WDR25: variants seen among roughly 807,000 people sequenced by gnomAD.
The protein encoded by WDR25 is WD repeat-containing protein 25.
Under a neutral mutation model 47.7 loss-of-function variants are expected in WDR25, and 35 were observed. The ratio of observed to expected loss-of-function variants is 0.73; its 90% confidence interval spans 0.56 to 0.97. WDR25 has a LOEUF of 0.97. Ranked by LOEUF, WDR25 falls within the 50% of genes least tolerant of loss-of-function variation. WDR25 has a pLI of 0.00. For synonymous variants in WDR25, 248 were observed against 278.9 expected (o/e 0.89, Z 1.10); for missense variants, 634 against 704.7 (o/e 0.90, Z 1.14).
chr14:100,461,202 C>T lies in WDR25; in HGVS notation c.823-6819C>T, dbSNP rs183183363. Among the ~76,000 whole-genome samples, 208 of 152,136 alleles carry T rather than the reference C, an allele frequency of 1.4e-3. No individual in the cohort carries two copies. The Middle Eastern group carries it at 0.02, about 15-fold the overall frequency. On this transcript the variant is annotated intron_variant, in intron 2 of 6. Transcript: ENST00000402312. ...CTTCACTCCAGCCTGGGTAACAGAG[C>T]GAGACCCTGACTTGGAAAGAAAAGA...
At chr14:100,422,783 GT>G (rs1898064296) in intron 2 of WDR25, among the ~76,000 whole-genome samples, 1 of 152,170 alleles carries the variant, frequency 6.6e-6, no homozygotes, top group Admixed American at 6.5e-5. Context: ...GGATCTTATT[GT>G]TTTAATTTGC....
intron 3 of WDR25, among the ~76,000 whole-genome samples, chr14:100,473,869 C>T (rs982366223): frequency 4.6e-5 from 7 of 152,168 alleles, no homozygotes; most frequent in Admixed American, 1.3e-4. Context: ...GTTTCGCTAG[C>T]GTAGCTTAGG....
intron 4 of WDR25, 126 bp downstream of exon 4, chr14:100,484,250 A>G: frequency 1.8e-6 from 2 of 1,109,832 alleles, no homozygotes; most frequent in Non-Finnish European, 2.5e-6. Context: ...CTTAATATTT[A>G]ATCAGTGCTA....
Position 100,407,531 on chromosome 14 carries a change from C to CT in WDR25, c.822+25788dup, listed in dbSNP as rs1358509745. On this transcript the variant is annotated intron_variant, in intron 2 of 6. Transcript: ENST00000402312. The surrounding 1 kb of genome is among the most constrained non-coding windows in gnomAD (Gnocchi z 4.1). ...GGATGGTTTTAGGCCCTTCTGCCCCCTTTGTCAGTGTGCCCTTGTGGGAAG... is the reference window on the plus strand; with the variant it reads ...GGATGGTTTTAGGCCCTTCTGCCCCCTTTTGTCAGTGTGCCCTTGTGGGAAG... 3 of 152,382 alleles carry CT rather than the reference C, an allele frequency of 2.0e-5. No homozygotes were observed. The highest frequency in any genetic ancestry group is 7.2e-5 in the African/African-American group (3 of 41,442). 9.4% of individuals were successfully genotyped at this position (152,382 alleles called of 1,614,324 possible).
chr14:100,405,244 C>G (rs1297690520), intron 2 of WDR25, among the ~76,000 whole-genome samples: 1 of 151,606 alleles, frequency 6.6e-6, no homozygotes, highest in Non-Finnish European at 1.5e-5. Flanking sequence ...TCACCGCAGC[C>G]TCTGCCTCCC....
At position 100,530,020 on chromosome 14, in the gene WDR25, G is replaced by A. The variant is rs749447544; in HGVS notation, c.1614G>A (p.Gly538=). 9.9e-6 allele frequency: 16 copies of A among 1,612,376 alleles called. No individual in the cohort carries two copies. Among genetic ancestry groups the A allele is most frequent in the Admixed American group, 1.7e-5 (1 of 59,936 alleles). The change falls in exon 7 of 7, where the codon GGG becomes GGA. Residue 538 remains glycine (G), a synonymous_variant. Coordinates refer to ENST00000402312, the MANE Select transcript of WDR25 (RefSeq NM_001161476.3). ...TCCTCGCCACCTGCTCCTGGGGAGG[G>A]GACATGAAGATCTGGCACTGAGCTT... The part of the protein sequence containing the change: ...PSVLATCSWG[G]DMKIWH
chr14:100,409,855 C>T (rs980628706), intron 2 of WDR25, among the ~76,000 whole-genome samples: 2 of 152,204 alleles, frequency 1.3e-5, no homozygotes, highest in African/African-American at 4.8e-5. Flanking sequence ...CGTGTATTGT[C>T]TGTGAAGATG....
intron 2 of WDR25, among the ~76,000 whole-genome samples, chr14:100,444,394 A>G (rs373297596): frequency 6.6e-6 from 1 of 152,236 alleles, no homozygotes; most frequent in Non-Finnish European, 1.5e-5. Context: ...AGGGAACCGC[A>G]GGATGGACAT....
chr14:100,428,130 A>C lies in WDR25; in HGVS notation c.823-39891A>C, dbSNP rs1266070853. On this transcript the variant is annotated intron_variant, in intron 2 of 6. Transcript: ENST00000402312. The surrounding 1 kb of genome is among the most constrained non-coding windows in gnomAD (Gnocchi z 4.3). Reference sequence around the variant, plus strand: ...CCCCCTGGAGCATTCACGCAAGGTCACTTTTCCCATCTGAGGAAACGTTTG... The same window carrying C: ...CCCCCTGGAGCATTCACGCAAGGTCCCTTTTCCCATCTGAGGAAACGTTTG... Among the ~76,000 whole-genome samples, 4 of 152,208 alleles carry C rather than the reference A, an allele frequency of 2.6e-5. No individual in the cohort carries two copies. The highest frequency in any genetic ancestry group is 5.9e-5 in the Non-Finnish European group (4 of 68,026).
intron 3 of WDR25, among the ~76,000 whole-genome samples, chr14:100,475,900 A>AT (rs1900000453): frequency 2.0e-5 from 3 of 151,766 alleles, no homozygotes; most frequent in African/African-American, 7.3e-5. Flanking sequence ...ATATATATAT[A>AT]AAATTATTTA....
At chr14:100,454,846 G>A (rs2140273278) in intron 2 of WDR25, 1 of 173,596 alleles carries the variant, frequency 5.8e-6, no homozygotes, top group East Asian at 1.5e-4. Flanking sequence ...AAAGAGAACT[G>A]AATAGAAATT....
At chr14:100,385,006 G>T (rs1397202981) in intron 2 of WDR25, among the ~76,000 whole-genome samples, 1 of 152,208 alleles carries the variant, frequency 6.6e-6, no homozygotes, top group Admixed American at 6.5e-5. Context: ...GATATTAGTT[G>T]TGAATCACCA....
In WDR25 at chr14:100,500,006, T is replaced by C. The variant is rs115954091; in HGVS notation, c.1101+15882T>C. ...CCTGAGATGGGGGATGGTACAAGCA[T>C]TGGGAAATGGTCTTGCAGCCTGCCT... is the stretch of plus-strand genomic sequence containing the variant. On this transcript the variant is annotated intron_variant, in intron 4 of 6. Transcript: ENST00000402312. The surrounding 1 kb of genome is among the most constrained non-coding windows in gnomAD (Gnocchi z 4.7). 9.6e-3 allele frequency among the ~76,000 whole-genome samples: 1,461 copies of C among 152,106 alleles called. 19 individuals are homozygous for C. Among genetic ancestry groups the C allele is most frequent in the African/African-American group, 0.033 (1,371 of 41,520 alleles).
At chr14:100,515,710 C>G (rs1379964627) in intron 4 of WDR25, among the ~76,000 whole-genome samples, 2 of 151,764 alleles carry the variant, frequency 1.3e-5, no homozygotes, top group Non-Finnish European at 2.9e-5. Context: ...CTCACTGCAA[C>G]CTCTGCCTCC....
rs909325257 is a variant in WDR25 at position 100,483,932 on chromosome 14, T to G, written c.971-62T>G. The G allele has an allele frequency of 1.5e-5, 23 of 1,542,198 alleles. 1 individual carries two copies. In the Admixed American group the frequency reaches 4.6e-4, roughly 31 times the overall value. ...CCCCATACCAGATGGCATCTTAGTT[T>G]TAAGATATTTGTTTTGTGACCTAAG... is the stretch of plus-strand genomic sequence containing the variant. On this transcript the variant is annotated intron_variant, in intron 3 of 6. Coordinates refer to ENST00000402312, the MANE Select transcript of WDR25 (RefSeq NM_001161476.3).
chr14:100,515,544 ATTATCC>A (rs1351961058), intron 4 of WDR25, among the ~76,000 whole-genome samples: 8 of 152,110 alleles, frequency 5.3e-5, no homozygotes, highest in African/African-American at 9.7e-5. Flanking sequence ...TTTCATGTGT[ATTATCC>A]TTAACATTCT....
At chr14:100,403,557 G>A (rs1897444410) in intron 2 of WDR25, among the ~76,000 whole-genome samples, 1 of 152,250 alleles carries the variant, frequency 6.6e-6, no homozygotes, top group African/African-American at 2.4e-5. Flanking sequence ...GGGCTGTTGT[G>A]TATGGTCAGG....
intron 2 of WDR25, among the ~76,000 whole-genome samples, chr14:100,408,722 A>G (rs1897618982): frequency 6.6e-6 from 1 of 152,236 alleles, no homozygotes; most frequent in Non-Finnish European, 1.5e-5. Context: ...ATTTGCAGTT[A>G]ATGATAGTAT....
At chr14:100,520,269 T>C (rs1006736464) in intron 4 of WDR25, among the ~76,000 whole-genome samples, 1 of 151,978 alleles carries the variant, frequency 6.6e-6, no homozygotes, top group African/African-American at 2.4e-5. Flanking sequence ...TTATACTGAT[T>C]TTTCCAATTC....
Sources: gnomAD v4.1 joint callset for allele counts (sites outside exome capture counted in the v4.1 genomes callset) on GRCh38, gnomAD v4.1.1 for gene constraint, Gnocchi (gnomAD v3.1) non-coding constraint, MANE v1.5 for transcripts, NCBI Gene and HGNC (gene_info 2026-07-23, HGNC 2026-07-21) for gene names.